KIF26B: variants seen among roughly 807,000 people sequenced by gnomAD.
The protein encoded by KIF26B is kinesin family member 26B, also known as kinesin-like protein KIF26B.
In KIF26B, 63 loss-of-function variants were observed where a neutral mutation model predicts 151.2. The observed-to-expected ratio is 0.42, with a 90% confidence interval of 0.34 to 0.51. KIF26B has a LOEUF of 0.51. KIF26B is among the 20% of genes least tolerant of loss of function. The probability of loss-of-function intolerance (pLI) is 0.07; values close to 1 mark genes in which losing one functional copy is unlikely to be tolerated. For synonymous variants in KIF26B, 1,357 were observed against 1,262.1 expected (o/e 1.08, Z -1.59); for missense variants, 2,813 against 2,913.6 (o/e 0.97, Z 0.79).
chr1:245,567,810 G>T (rs1262099624), intron 5 of KIF26B, among the ~76,000 whole-genome samples: 2 of 152,136 alleles, frequency 1.3e-5, no homozygotes, highest in Non-Finnish European at 2.9e-5. Flanking sequence ...TCGTGGTGGA[G>T]CATCCCATTG....
chr1:245,680,128 C>T (rs1425871161), intron 10 of KIF26B, among the ~76,000 whole-genome samples: 1 of 152,184 alleles, frequency 6.6e-6, no homozygotes, highest in Non-Finnish European at 1.5e-5. Context: ...TTCTCTTTCC[C>T]TCCAAAGATT....
chr1:245,562,099 C>T (rs559484810), intron 5 of KIF26B, among the ~76,000 whole-genome samples: 24 of 152,194 alleles, frequency 1.6e-4, no homozygotes, highest in African/African-American at 2.6e-4. Flanking sequence ...GTCCTCCAGC[C>T]GTACTTTGTC....
At chr1:245,270,981 A>G (rs565370185) in intron 2 of KIF26B, among the ~76,000 whole-genome samples, 5 of 152,234 alleles carry the variant, frequency 3.3e-5, no homozygotes, top group Non-Finnish European at 2.9e-5. Context: ...GTGGGTATCT[A>G]GTTTTCCTAG....
At chr1:245,210,253 A>C (rs1573709986) in intron 2 of KIF26B, among the ~76,000 whole-genome samples, 1 of 152,124 alleles carries the variant, frequency 6.6e-6, no homozygotes, top group Admixed American at 6.6e-5. Context: ...ACATCAGGCC[A>C]CCCGCAGCCT....
chr1:245,583,936 G>T (rs534561762), intron 5 of KIF26B, among the ~76,000 whole-genome samples: 1 of 152,302 alleles, frequency 6.6e-6, no homozygotes, highest in Non-Finnish European at 1.5e-5. Context: ...GTTCACAAAA[G>T]GACCCTCTGT....
intron 2 of KIF26B, among the ~76,000 whole-genome samples, chr1:245,252,283 A>G (rs935351591): frequency 2.0e-5 from 3 of 151,590 alleles, no homozygotes; most frequent in Non-Finnish European, 4.4e-5. Flanking sequence ...TCTCAAAAAA[A>G]AAAAAAAAAA....
intron 2 of KIF26B, among the ~76,000 whole-genome samples, chr1:245,365,739 T>C (rs1355192623): frequency 6.6e-6 from 1 of 151,962 alleles, no homozygotes; most frequent in East Asian, 1.9e-4. Flanking sequence ...CTATCCCAGT[T>C]CCCCCACGAA....
rs902628455 is a variant in KIF26B at position 245,316,508 on chromosome 1, G to A, written c.466-50326G>A. Among the ~76,000 whole-genome samples, 8 of 152,054 alleles carry A rather than the reference G, an allele frequency of 5.3e-5. No individual in the cohort carries two copies. In the East Asian group the frequency reaches 5.8e-4, roughly 11 times the overall value. ...GAAAAATTCTCTCACCTCTTGTCCC[G>A]AAGGTGAAAATCCACCTCAATGATT... On this transcript the variant is annotated intron_variant, in intron 2 of 14. Coordinates refer to ENST00000407071, the MANE Select transcript of KIF26B (RefSeq NM_018012.4).
chr1:245,671,338 G>A (rs867259001), intron 10 of KIF26B, among the ~76,000 whole-genome samples: 9 of 152,112 alleles, frequency 5.9e-5, no homozygotes, highest in African/African-American at 1.4e-4. Context: ...AATATAACAC[G>A]GATGTACCTT....
chr1:245,429,119 G>T (rs917895954), intron 4 of KIF26B, among the ~76,000 whole-genome samples: 6 of 152,066 alleles, frequency 3.9e-5, no homozygotes, highest in African/African-American at 1.4e-4. Context: ...CTAAGCTTCC[G>T]TTGCTTCTGT....
chr1:245,585,684 CTG>C (rs1447018612), intron 5 of KIF26B, among the ~76,000 whole-genome samples: 1 of 152,230 alleles, frequency 6.6e-6, no homozygotes, highest in Admixed American at 6.5e-5. Context: ...CGAAGCAGAT[CTG>C]TCTCTGATTC....
At chr1:245,344,200 C>CT (rs1192936988) in intron 2 of KIF26B, among the ~76,000 whole-genome samples, 4 of 148,880 alleles carry the variant, frequency 2.7e-5, no homozygotes, top group Non-Finnish European at 5.9e-5. Context: ...CTTTCCTTTT[C>CT]TTTTTTCTCT....
intron 2 of KIF26B, among the ~76,000 whole-genome samples, chr1:245,320,787 C>T (rs919753030): frequency 1.3e-5 from 2 of 152,174 alleles, no homozygotes; most frequent in South Asian, 2.1e-4. Flanking sequence ...AAGCAATTCT[C>T]CTGCCTCAGC....
In KIF26B at chr1:245,688,787, C is replaced by T. The variant is rs757395970; in HGVS notation, c.5804C>T (p.Pro1935Leu). ...VGGRCRSLKT[P>L]KKRSNPGSQR... ...GGCAGGTGCCGGAGCCTCAAGACCCCGAAGAAACGCTCCAATCCAGGTAGG... is the reference window on the plus strand; with the variant it reads ...GGCAGGTGCCGGAGCCTCAAGACCCTGAAGAAACGCTCCAATCCAGGTAGG... Residue 1935 changes from proline to leucine, a missense_variant, in exon 12 of 15, where the codon CCG (proline) becomes CTG (leucine). Pro to Leu is a moderately conservative substitution (Grantham distance 98). Coordinates refer to ENST00000407071, the MANE Select transcript of KIF26B (RefSeq NM_018012.4). The T allele has an allele frequency of 1.4e-5, 22 of 1,587,272 alleles. No homozygotes were observed. The highest frequency in any genetic ancestry group is 6.8e-5 in the South Asian group (6 of 88,348).
chr1:245,546,713 G>T (rs1199229146), intron 5 of KIF26B, among the ~76,000 whole-genome samples: 1 of 152,220 alleles, frequency 6.6e-6, no homozygotes, highest in Non-Finnish European at 1.5e-5. Flanking sequence ...GTTGGGAAAA[G>T]CAAATTGTGA....
intron 3 of KIF26B, among the ~76,000 whole-genome samples, chr1:245,379,603 T>G (rs1310856368): frequency 6.6e-6 from 1 of 152,060 alleles, no homozygotes; most frequent in Non-Finnish European, 1.5e-5. Context: ...TCCTATTCTT[T>G]TATGTATTTA....
intron 2 of KIF26B, among the ~76,000 whole-genome samples, chr1:245,233,100 C>T (rs1419514814): frequency 6.6e-6 from 1 of 152,206 alleles, no homozygotes; most frequent in East Asian, 1.9e-4. Context: ...TACAGACGCA[C>T]TTTCTCAGCA....
chr1:245,509,113 G>T lies in KIF26B; in HGVS notation c.1167-31654G>T, dbSNP rs575236894. On this transcript the variant is annotated intron_variant, in intron 4 of 14. Transcript: ENST00000407071. ...CTTGTGATATATTTATGCACGTGGA[G>T]TAGCTACTTTTTCCAGAATTTGGGG... Among the ~76,000 whole-genome samples, 6 of 152,296 alleles carry T rather than the reference G, an allele frequency of 3.9e-5. No individual in the cohort carries two copies. The East Asian group carries it at 9.6e-4, about 24-fold the overall frequency.
intron 8 of KIF26B, 94 bp from the exon 9 acceptor site, chr1:245,611,699 C>T (rs2103153861): frequency 7.4e-7 from 1 of 1,357,128 alleles, no homozygotes; most frequent in East Asian, 2.5e-5. Flanking sequence ...ATACAGAACA[C>T]ACAGCCAGCT....
Sources: allele counts gnomAD v4.1 joint callset (sites outside exome capture counted in the v4.1 genomes callset), GRCh38; gene constraint gnomAD v4.1.1; transcripts MANE v1.5; gene names NCBI Gene and HGNC (gene_info 2026-07-23, HGNC 2026-07-21).